The following LRFN2 variants were observed in gnomAD, a reference collection of about 807,000 sequenced individuals.
The protein encoded by LRFN2 is leucine-rich repeat and fibronectin type-III domain-containing protein 2.
Under a neutral mutation model 37.3 loss-of-function variants are expected in LRFN2, and 18 were observed. That is an observed-to-expected ratio of 0.48 (90% CI 0.33 to 0.72). The LOEUF (loss-of-function observed/expected upper bound fraction) is 0.72, where lower values mean the gene tolerates loss of function less well. Ranked by LOEUF, LRFN2 falls within the 30% of genes least tolerant of loss-of-function variation. LRFN2 has a pLI of 0.02. For missense variants in LRFN2, 1,006 were observed against 1,060.7 expected (o/e 0.95, Z 0.72); for synonymous variants, 556 against 466.6 (o/e 1.19, Z -2.47).
At chr6:40,412,617 T>C (rs1384958990) in intron 2 of LRFN2, among the ~76,000 whole-genome samples, 2 of 152,172 alleles carry the variant, frequency 1.3e-5, no homozygotes, top group African/African-American at 2.4e-5. Context: ...CCTGACACCG[T>C]GAGGCATTCG....
chr6:40,486,012 A>G (rs1764950001), intron 1 of LRFN2, among the ~76,000 whole-genome samples: 1 of 152,262 alleles, frequency 6.6e-6, no homozygotes, highest in African/African-American at 2.4e-5. Context: ...CAGAGGTGGC[A>G]GAGACATTCA....
intron 1 of LRFN2, among the ~76,000 whole-genome samples, chr6:40,543,221 G>C (rs1188651372): frequency 6.6e-6 from 1 of 152,214 alleles, no homozygotes; most frequent in Admixed American, 6.5e-5. Context: ...TTATAGCGCA[G>C]AGTCCAGAGG....
chr6:40,502,903 G>T (rs1396967304), intron 1 of LRFN2, among the ~76,000 whole-genome samples: 1 of 152,244 alleles, frequency 6.6e-6, no homozygotes, highest in African/African-American at 2.4e-5. Context: ...TAGGACAGTT[G>T]TCATAGAACC....
chr6:40,572,798 G>A (rs1210126356), intron 1 of LRFN2, among the ~76,000 whole-genome samples: 5 of 152,184 alleles, frequency 3.3e-5, no homozygotes, highest in Non-Finnish European at 2.9e-5. Flanking sequence ...AGAGAACCCT[G>A]GGGCTGCTGG....
At chr6:40,507,365 C>T (rs189520266) in intron 1 of LRFN2, among the ~76,000 whole-genome samples, 2 of 152,298 alleles carry the variant, frequency 1.3e-5, no homozygotes, top group Admixed American at 6.5e-5. Context: ...TTATTGAGTG[C>T]TTATTCTGTG....
At chr6:40,417,834 G>A (rs1763131014) in intron 2 of LRFN2, among the ~76,000 whole-genome samples, 1 of 152,140 alleles carries the variant, frequency 6.6e-6, no homozygotes, top group Admixed American at 6.5e-5. Context: ...GAGAAAGAAG[G>A]GGTCCTTCTC....
intron 1 of LRFN2, among the ~76,000 whole-genome samples, chr6:40,444,236 G>A (rs1763911482): frequency 1.3e-5 from 2 of 152,126 alleles, no homozygotes; most frequent in African/African-American, 4.8e-5. Flanking sequence ...GGATAATTAA[G>A]GCACTTGGAA....
chr6:40,568,998 T>C (rs547650328), intron 1 of LRFN2, among the ~76,000 whole-genome samples: 2 of 152,232 alleles, frequency 1.3e-5, no homozygotes, highest in Admixed American at 6.5e-5. Context: ...GAGCACCCAC[T>C]TACACTGCCT....
intron 1 of LRFN2, among the ~76,000 whole-genome samples, chr6:40,464,147 T>C (rs898599167): frequency 6.6e-6 from 1 of 152,224 alleles, no homozygotes; most frequent in Non-Finnish European, 1.5e-5. Context: ...TGATTTCATA[T>C]GGGTCTATTC....
intron 1 of LRFN2, among the ~76,000 whole-genome samples, chr6:40,541,132 G>A (rs1719835215): frequency 6.6e-6 from 1 of 152,162 alleles, no homozygotes; most frequent in Non-Finnish European, 1.5e-5. Context: ...ACAACCATCA[G>A]ATCCTGACTC....
chr6:40,576,071 C>T (rs1433135852), intron 1 of LRFN2, among the ~76,000 whole-genome samples: 1 of 152,158 alleles, frequency 6.6e-6, no homozygotes, highest in Non-Finnish European at 1.5e-5. Context: ...ATTAGCCTTC[C>T]TGAGCTACAG....
chr6:40,581,664 G>T (rs188322425), intron 1 of LRFN2, among the ~76,000 whole-genome samples: 77 of 152,288 alleles, frequency 5.1e-4, no homozygotes, highest in Middle Eastern at 3.4e-3. Context: ...GAATGACAAG[G>T]CCTTATCTTA....
intron 1 of LRFN2, among the ~76,000 whole-genome samples, chr6:40,450,538 G>A (rs992168177): frequency 7.2e-5 from 11 of 152,240 alleles, no homozygotes; most frequent in African/African-American, 2.7e-4. Context: ...GTGCATGGGG[G>A]ATGCAACCGT....
intron 1 of LRFN2, among the ~76,000 whole-genome samples, chr6:40,522,078 A>C (rs1251675592): frequency 1.3e-5 from 2 of 152,140 alleles, no homozygotes; most frequent in Admixed American, 1.3e-4. Flanking sequence ...GTCCTCACAG[A>C]GCCAGACGTT....
intron 1 of LRFN2, among the ~76,000 whole-genome samples, chr6:40,514,507 G>A (rs1765802923): frequency 6.6e-6 from 1 of 152,160 alleles, no homozygotes; most frequent in African/African-American, 2.4e-5. Flanking sequence ...TAGAGACAGG[G>A]TTTTGCCATG....
At chr6:40,540,087 C>T (rs1248360767) in intron 1 of LRFN2, among the ~76,000 whole-genome samples, 1 of 152,174 alleles carries the variant, frequency 6.6e-6, no homozygotes, top group African/African-American at 2.4e-5. Flanking sequence ...GTTGAGAGAA[C>T]ACATGTGGTG....
chr6:40,398,954 C>T (rs1762670628), intron 2 of LRFN2, among the ~76,000 whole-genome samples: 1 of 151,918 alleles, frequency 6.6e-6, no homozygotes, highest in Admixed American at 6.6e-5. Context: ...CACATTTCAC[C>T]TGCTTGCCTC....
rs138409758 is a variant in LRFN2, at chr6:40,514,392, G to A, written c.-19+72549C>T. On this transcript the variant is annotated intron_variant, in intron 1 of 2. Transcript: ENST00000338305. ...TGCAGTAGTGCAATCTCAGCTCTCC[G>A]CAACCTCTGCCTCTCAAGTTCAAAC... Among the ~76,000 whole-genome samples, 203 of 152,198 alleles carry A rather than the reference G, an allele frequency of 1.3e-3. 1 individual carries two copies. Among genetic ancestry groups the A allele is most frequent in the African/African-American group, 4.6e-3 (191 of 41,508 alleles).
Position 40,432,546 on chromosome 6 carries a change from C to G in LRFN2, c.568G>C (p.Glu190Gln). Residue 190 changes from glutamate to glutamine, a missense_variant, in exon 2 of 3, where the codon GAG becomes CAG. By Grantham distance (29) the Glu-to-Gln change is conservative. Coordinates refer to ENST00000338305, the MANE Select transcript of LRFN2 (RefSeq NM_020737.3). ...LDHNLLDHIA[E>Q]GTFADLQKLA... ...TTCTGCAGGTCTGCAAAGGTGCCCT[C>G]GGCGATGTGATCCAGCAGGTTGTGG... is the stretch of plus-strand genomic sequence containing the variant. 1.2e-6 allele frequency: 2 copies of G among 1,614,188 alleles called. No homozygotes were observed. The highest frequency in any genetic ancestry group is 1.7e-6 in the Non-Finnish European group (2 of 1,180,036).
Sources: gnomAD v4.1 joint callset for allele counts (sites outside exome capture counted in the v4.1 genomes callset) on GRCh38, gnomAD v4.1.1 for gene constraint, MANE v1.5 for transcripts, NCBI Gene and HGNC (gene_info 2026-07-23, HGNC 2026-07-21) for gene names.